PKHD1: variants seen among roughly 807,000 people sequenced by gnomAD.
PKHD1 encodes PKHD1 ciliary IPT domain containing fibrocystin/polyductin.
PKHD1 carries 291 observed loss-of-function variants against 412.0 expected under a neutral mutation model. That is an observed-to-expected ratio of 0.71 (90% CI 0.64 to 0.78). The LOEUF (loss-of-function observed/expected upper bound fraction) is 0.78. Among genes scored for constraint, PKHD1 ranks in the 30% least tolerant of loss-of-function variants. PKHD1 has a pLI of 0.00. For missense variants in PKHD1, 4,825 were observed against 4,950.7 expected (o/e 0.97, Z 0.76); for synonymous variants, 1,777 against 1,821.5 (o/e 0.98, Z 0.62).
At chr6:51,953,126 T>C (rs1200157087) in intron 36 of PKHD1, among the ~76,000 whole-genome samples, 1 of 152,132 alleles carries the variant, frequency 6.6e-6, no homozygotes, top group African/African-American at 2.4e-5. Context: ...ATAAGCATCC[T>C]ATCTTCTGGC....
chr6:51,847,885 A>T lies in PKHD1; in HGVS notation c.7997T>A (p.Leu2666Gln). The stretch of plus-strand genomic sequence containing the variant: ...CAGACCCACTCGACTCCCACATCTT[A>T]GGAGGATGTCAGGGTAAGGCGGCAA... ...TDLPPYPDIL[L>Q]RCGSRVGLSF... is the part of the protein sequence containing the mutation. Residue 2666 changes from leucine to glutamine, a missense_variant, in exon 50 of 67, where the codon CTA (leucine) becomes CAA (glutamine). Coordinates refer to ENST00000371117, the MANE Select transcript of PKHD1 (RefSeq NM_138694.4). 6.2e-7 allele frequency: 1 copy of T among 1,613,274 alleles called. No homozygotes were observed. The highest frequency in any genetic ancestry group is 8.5e-7 in the Non-Finnish European group (1 of 1,179,186).
intron 60 of PKHD1, among the ~76,000 whole-genome samples, chr6:51,679,026 C>T (rs1248782665): frequency 6.6e-6 from 1 of 152,058 alleles, no homozygotes; most frequent in African/African-American, 2.4e-5. Flanking sequence ...GGTGCCAAAA[C>T]TAAAATGAAT....
chr6:51,923,508 T>TG (rs1210769130), intron 37 of PKHD1, among the ~76,000 whole-genome samples: 2 of 144,846 alleles, frequency 1.4e-5, no homozygotes, highest in East Asian at 2.0e-4. Flanking sequence ...GACACAAATG[T>TG]GAAAAAAAAG....
At chr6:52,036,831 T>C (rs1804029774) in intron 27 of PKHD1, among the ~76,000 whole-genome samples, 1 of 152,084 alleles carries the variant, frequency 6.6e-6, no homozygotes, top group Non-Finnish European at 1.5e-5. Context: ...CTAAAATAAA[T>C]GGATCGAAAG....
At chr6:51,785,857 C>T (rs529023919) in intron 53 of PKHD1, among the ~76,000 whole-genome samples, 63 of 152,166 alleles carry the variant, frequency 4.1e-4, no homozygotes, top group African/African-American at 1.3e-3. Context: ...GTACATTTAG[C>T]GCAGACCTCT....
At chr6:51,954,777 C>G (rs1790866338) in intron 36 of PKHD1, among the ~76,000 whole-genome samples, 1 of 152,032 alleles carries the variant, frequency 6.6e-6, no homozygotes, top group Non-Finnish European at 1.5e-5. Context: ...CTACACCTAA[C>G]AGCTCAACAC....
At chr6:51,671,068 G>A (rs2150501400) in intron 60 of PKHD1, among the ~76,000 whole-genome samples, 1 of 152,170 alleles carries the variant, frequency 6.6e-6, no homozygotes, top group South Asian at 2.1e-4. Context: ...GGCATTCTCT[G>A]TAGTTCCTGA....
intron 60 of PKHD1, among the ~76,000 whole-genome samples, chr6:51,699,920 A>AGTGTGTAT (rs57760395): frequency 0.011 from 1,499 of 137,898 alleles, 32 homozygotes; most frequent in African/African-American, 0.034. Flanking sequence ...ATATATATGG[A>AGTGTGTAT]GTGTGTGTGT....
At chr6:51,858,169 C>T (rs1001612360) in intron 48 of PKHD1, among the ~76,000 whole-genome samples, 3 of 152,174 alleles carry the variant, frequency 2.0e-5, no homozygotes, top group Non-Finnish European at 2.9e-5. Context: ...CCCCTTCTTT[C>T]AGTTATGGGG....
Position 51,638,919 on chromosome 6 carries a change from G to A in PKHD1, c.11436C>T (p.Ser3812=), listed in dbSNP as rs1768962442. ...AGATCAAGACTGCCAAGTTGTAGAA[G>A]CTAACATAACCATCTTGAGTTTCTG... ...TQAETQDGYV[S]FYNLAVLISG... is the part of the protein sequence containing the mutation. Residue 3812 remains serine, a synonymous_variant, in exon 64 of 67, where the codon AGC becomes AGT. Transcript: ENST00000371117. The A allele has an allele frequency of 2.5e-6, 4 of 1,613,710 alleles. No homozygotes were observed. The highest frequency in any genetic ancestry group is 3.4e-6 in the Non-Finnish European group (4 of 1,179,744).
chr6:51,896,365 C>T (rs1345909223), intron 43 of PKHD1, among the ~76,000 whole-genome samples: 1 of 151,450 alleles, frequency 6.6e-6, no homozygotes, highest in South Asian at 2.1e-4. Flanking sequence ...CCCTGACCCC[C>T]GAGCAGCCTA....
chr6:51,644,076 G>A (rs907303949), intron 63 of PKHD1, among the ~76,000 whole-genome samples: 7 of 152,106 alleles, frequency 4.6e-5, no homozygotes, highest in Non-Finnish European at 4.4e-5. Flanking sequence ...GCTATGAACT[G>A]TTTAATCACG....
intron 37 of PKHD1, among the ~76,000 whole-genome samples, chr6:51,930,408 G>A (rs998668832): frequency 2.6e-5 from 4 of 152,190 alleles, no homozygotes; most frequent in Admixed American, 2.6e-4. Flanking sequence ...GTGTGTATAT[G>A]TGAGTGTATA....
At chr6:51,736,455 C>A (rs1009255080) in intron 60 of PKHD1, among the ~76,000 whole-genome samples, 10 of 152,106 alleles carry the variant, frequency 6.6e-5, no homozygotes, top group African/African-American at 2.2e-4. Flanking sequence ...AGCCGTATCC[C>A]CCCCTGCTTG....
intron 52 of PKHD1, among the ~76,000 whole-genome samples, chr6:51,821,559 T>A (rs930630998): frequency 6.6e-6 from 1 of 152,228 alleles, no homozygotes; most frequent in Non-Finnish European, 1.5e-5. Context: ...TTAAATAACA[T>A]GGACTTCAAT....
intron 31 of PKHD1, 91 bp downstream of exon 31, chr6:52,027,738 C>T: frequency 1.0e-6 from 1 of 954,274 alleles, no homozygotes; most frequent in Non-Finnish European, 1.7e-6. Flanking sequence ...TCTCTCTGAC[C>T]TCACTGGCAA....
intron 36 of PKHD1, among the ~76,000 whole-genome samples, chr6:51,944,963 C>T (rs182540852): frequency 6.6e-6 from 1 of 152,336 alleles, no homozygotes; most frequent in Non-Finnish European, 1.5e-5. Flanking sequence ...GCAGCAAGGT[C>T]AGTCTACAGG....
intron 60 of PKHD1, 55 bp from the exon 61 acceptor site, chr6:51,660,024 T>C: frequency 9.4e-7 from 1 of 1,066,898 alleles, no homozygotes; most frequent in East Asian, 2.5e-5. Flanking sequence ...CTGTCAATGA[T>C]TATTTGTAAT....
At chr6:51,975,272 C>T (rs529068043) in intron 35 of PKHD1, among the ~76,000 whole-genome samples, 9 of 151,650 alleles carry the variant, frequency 5.9e-5, no homozygotes, top group East Asian at 1.9e-4. Flanking sequence ...AAAAGCAGTA[C>T]AAAAAATAAA....
Sources: allele counts gnomAD v4.1 joint callset (sites outside exome capture counted in the v4.1 genomes callset), GRCh38; gene constraint gnomAD v4.1.1; transcripts MANE v1.5; gene names NCBI Gene and HGNC (gene_info 2026-07-23, HGNC 2026-07-21).